CNTNAP2: variants seen among roughly 807,000 people sequenced by gnomAD.
CNTNAP2 encodes the protein contactin associated protein 2.
CNTNAP2 carries 98 observed loss-of-function variants against 155.2 expected under a neutral mutation model. The observed-to-expected ratio is 0.63, with a 90% CI of 0.54 to 0.75. The LOEUF (loss-of-function observed/expected upper bound fraction) is 0.75. CNTNAP2 is among the 30% of genes least tolerant of loss of function. The probability of loss-of-function intolerance (pLI) is 0.00; values close to 1 mark genes in which losing one functional copy is unlikely to be tolerated. For missense variants in CNTNAP2, 1,727 were observed against 1,688.1 expected (o/e 1.02, Z -0.40); for synonymous variants, 651 against 631.2 (o/e 1.03, Z -0.47).
intron 14 of CNTNAP2, among the ~76,000 whole-genome samples, chr7:147,970,155 C>T (rs1378413666): frequency 6.6e-6 from 1 of 151,938 alleles, no homozygotes; most frequent in Non-Finnish European, 1.5e-5. Flanking sequence ...GTCTTGAATT[C>T]CCACCTCAGC....
chr7:147,978,685 A>G (rs1431072408), intron 15 of CNTNAP2, among the ~76,000 whole-genome samples: 1 of 152,126 alleles, frequency 6.6e-6, no homozygotes, highest in Non-Finnish European at 1.5e-5. Flanking sequence ...AAACAGTGAC[A>G]TGGTTGCACT....
chr7:146,875,144 T>TA (rs762808606), intron 3 of CNTNAP2, among the ~76,000 whole-genome samples: 36 of 152,174 alleles, frequency 2.4e-4, no homozygotes, highest in Non-Finnish European at 5.1e-4. Flanking sequence ...GGCTCTAGTG[T>TA]AAAAAGGCAG....
chr7:146,599,555 T>G (rs987801225), intron 1 of CNTNAP2, among the ~76,000 whole-genome samples: 5 of 151,956 alleles, frequency 3.3e-5, no homozygotes, highest in African/African-American at 1.2e-4. Context: ...CCTGATCATC[T>G]TATAGATAAA....
At chr7:148,232,261 G>A (rs1795976876) in intron 20 of CNTNAP2, among the ~76,000 whole-genome samples, 1 of 152,208 alleles carries the variant, frequency 6.6e-6, no homozygotes, top group Non-Finnish European at 1.5e-5. Context: ...TCACTCCCAT[G>A]CCCCACTTTC....
At chr7:147,421,763 G>A (rs1323530532) in intron 10 of CNTNAP2, among the ~76,000 whole-genome samples, 1 of 152,054 alleles carries the variant, frequency 6.6e-6, no homozygotes, top group Admixed American at 6.6e-5. Context: ...CCTTGTCAAT[G>A]GCTAGGGCCA....
chr7:147,901,366 G>A (rs923769576), intron 13 of CNTNAP2, among the ~76,000 whole-genome samples: 10 of 152,168 alleles, frequency 6.6e-5, no homozygotes, highest in Non-Finnish European at 1.3e-4. Context: ...AAGTTCAAAC[G>A]TCTTAAATTG....
intron 1 of CNTNAP2, among the ~76,000 whole-genome samples, chr7:146,485,394 T>C (rs1373257134): frequency 6.6e-6 from 1 of 152,120 alleles, no homozygotes; most frequent in Admixed American, 6.5e-5. Context: ...TCTAAGAAAT[T>C]TGAATAATGA....
intron 21 of CNTNAP2, among the ~76,000 whole-genome samples, chr7:148,321,699 A>G (rs1797791938): frequency 6.6e-6 from 1 of 152,198 alleles, no homozygotes; most frequent in Non-Finnish European, 1.5e-5. Context: ...AATGTGTCCA[A>G]TGCAATCATC....
chr7:147,231,971 G>A (rs903209477), intron 8 of CNTNAP2, among the ~76,000 whole-genome samples: 9 of 151,818 alleles, frequency 5.9e-5, no homozygotes, highest in Non-Finnish European at 1.0e-4. Flanking sequence ...GTTTATTTGC[G>A]CTTTTGTTGC....
intron 1 of CNTNAP2, among the ~76,000 whole-genome samples, chr7:146,408,307 G>A (rs932878258): frequency 6.6e-6 from 1 of 152,030 alleles, no homozygotes; most frequent in Non-Finnish European, 1.5e-5. Context: ...CTTGAGTTAA[G>A]GATGATTTAG....
intron 1 of CNTNAP2, 94 bp from the exon 2 acceptor site, chr7:146,774,177 T>C: frequency 1.2e-6 from 1 of 845,302 alleles, no homozygotes; most frequent in Non-Finnish European, 2.0e-6. Context: ...ATAAAAGACA[T>C]ATCAGATTCA....
intron 21 of CNTNAP2, among the ~76,000 whole-genome samples, chr7:148,337,047 A>T (rs1339961687): frequency 9.0e-6 from 1 of 110,684 alleles, no homozygotes; most frequent in East Asian, 3.5e-4. Flanking sequence ...ATGGAGTGGC[A>T]ATCATTTATT....
intron 1 of CNTNAP2, among the ~76,000 whole-genome samples, chr7:146,170,234 C>T (rs1798370793): frequency 6.6e-6 from 1 of 152,078 alleles, no homozygotes. Context: ...CCGTGTTGGC[C>T]AGGCTGGTCT....
intron 1 of CNTNAP2, among the ~76,000 whole-genome samples, chr7:146,365,437 A>G (rs1795141295): frequency 6.6e-6 from 1 of 152,188 alleles, no homozygotes; most frequent in South Asian, 2.1e-4. Flanking sequence ...CCAATGAACT[A>G]AGCACTAAAA....
intron 8 of CNTNAP2, among the ~76,000 whole-genome samples, chr7:147,209,883 C>T (rs999707200): frequency 1.1e-4 from 16 of 151,950 alleles, no homozygotes; most frequent in African/African-American, 3.6e-4. Flanking sequence ...TGGTGAATCA[C>T]ATTTATCGAC....
chr7:147,354,679 A>C (rs905889436), intron 9 of CNTNAP2, among the ~76,000 whole-genome samples: 1 of 152,124 alleles, frequency 6.6e-6, no homozygotes, highest in Admixed American at 6.6e-5. Context: ...GAAGAAAATC[A>C]ATGGTAGCTT....
At chr7:147,977,619 A>G (rs1801452562) in intron 14 of CNTNAP2, among the ~76,000 whole-genome samples, 1 of 152,182 alleles carries the variant, frequency 6.6e-6, no homozygotes, top group Non-Finnish European at 1.5e-5. Flanking sequence ...ATGGTTGTGA[A>G]TCTCTGGAAA....
intron 9 of CNTNAP2, among the ~76,000 whole-genome samples, chr7:147,301,540 T>C (rs1794944758): frequency 6.6e-6 from 1 of 152,090 alleles, no homozygotes; most frequent in African/African-American, 2.4e-5. Context: ...TATTTACATA[T>C]CTACTTTGTT....
At chr7:147,763,670 A>T (rs1255298270) in intron 13 of CNTNAP2, among the ~76,000 whole-genome samples, 1 of 152,126 alleles carries the variant, frequency 6.6e-6, no homozygotes. Context: ...TCAGAAAGGC[A>T]TTGACTATAA....
Sources: allele counts gnomAD v4.1 joint callset (sites outside exome capture counted in the v4.1 genomes callset), GRCh38; gene constraint gnomAD v4.1.1; transcripts MANE v1.5; gene names NCBI Gene and HGNC (gene_info 2026-07-23, HGNC 2026-07-21).